The following CEP350 variants were observed in gnomAD, a reference collection of about 807,000 sequenced individuals.
CEP350 encodes the protein centrosome-associated protein 350.
Under a neutral mutation model 331.8 loss-of-function variants are expected in CEP350, and 126 were observed. That is an observed-to-expected ratio of 0.38 (90% CI 0.33 to 0.44). The LOEUF is 0.44. Among genes scored for constraint, CEP350 ranks in the 20% least tolerant of loss-of-function variants. The pLI is 1.00. For synonymous variants in CEP350, 1,200 were observed against 1,259.5 expected (o/e 0.95, Z 1.00); for missense variants, 3,406 against 3,634.6 (o/e 0.94, Z 1.62).
rs147091792 is a variant in CEP350, at chr1:180,071,498, T to C, written c.5568-3524T>C. 3.4e-3 allele frequency among the ~76,000 whole-genome samples: 504 copies of C among 147,496 alleles called. 2 individuals are homozygous for C. The highest frequency in any genetic ancestry group is 0.012 in the African/African-American group (475 of 39,882). On this transcript the variant is annotated intron_variant, in intron 27 of 37. Coordinates refer to ENST00000367607, the MANE Select transcript of CEP350 (RefSeq NM_014810.5). ...AAAAAATTTAAAAAGTGAATTAAGCTGTGCGCGGTGGCTCAGGCCTGTAAT... is the reference window on the plus strand; with the variant it reads ...AAAAAATTTAAAAAGTGAATTAAGCCGTGCGCGGTGGCTCAGGCCTGTAAT...
intron 1 of CEP350, among the ~76,000 whole-genome samples, chr1:179,974,206 C>T (rs192837812): frequency 1.6e-3 from 250 of 152,028 alleles, no homozygotes; most frequent in Middle Eastern, 0.01. Flanking sequence ...CAGCCTCCCA[C>T]GTAGCTGGGA....
At chr1:180,041,114 T>C (rs1246477735) in intron 17 of CEP350, 24 bp from the exon 18 acceptor site, 2 of 1,526,200 alleles carry the variant, frequency 1.3e-6, no homozygotes, top group Non-Finnish European at 1.8e-6. Flanking sequence ...ATCTGAGAAT[T>C]AACATTTGAC....
chr1:180,007,080 G>C (rs1169094470), intron 8 of CEP350, among the ~76,000 whole-genome samples: 18 of 152,180 alleles, frequency 1.2e-4, no homozygotes, highest in Admixed American at 1.2e-3. Context: ...ATGTGTGCAT[G>C]TGTCTTTATA....
In CEP350 at chr1:179,954,908, C is replaced by T. The variant is rs1182218379; in HGVS notation, c.-248C>T. ...TGCGCCAGAGAGAACTGCAGGGAGC[C>T]GCAGCTCGGGGGGTGGCTTGCCCTG... On this transcript the variant is annotated 5_prime_UTR_variant, in exon 1 of 38. Coordinates refer to ENST00000367607, the MANE Select transcript of CEP350 (RefSeq NM_014810.5). The T allele has an allele frequency of 3.2e-6, 2 of 625,242 alleles. No homozygotes were observed. The highest frequency in any genetic ancestry group is 4.3e-5 in the Admixed American group (1 of 23,160). The allele number at this position is 625,242 out of a possible 1,614,324, so 38.7% of individuals were successfully genotyped here.
chr1:180,053,316 G>T, intron 23 of CEP350, 150 bp downstream of exon 23: 1 of 510,802 alleles, frequency 2.0e-6, no homozygotes, highest in Non-Finnish European at 3.4e-6. Context: ...TATGAAATCT[G>T]GTTTCACTTT....
Position 180,095,833 on chromosome 1 carries a change from G to T in CEP350, c.8822G>T (p.Gly2941Val), listed in dbSNP as rs765119522. The T allele has an allele frequency of 3.1e-6, 5 of 1,613,898 alleles. No homozygotes were observed. Among genetic ancestry groups the T allele is most frequent in the Non-Finnish European group, 4.2e-6 (5 of 1,179,868 alleles). ...GAACTTTGGAAATGGAAAGAATTAG[G>T]CCACGATCTTCATAGCATCAGTATT... is the stretch of plus-strand genomic sequence containing the variant. Reference protein sequence around the residue: ...AEELWKWKELGHDLHSISIPT... With the variant: ...AEELWKWKELVHDLHSISIPT... The change falls in exon 35 of 38, where the codon GGC becomes GTC. Residue 2941 changes from glycine to valine, a missense_variant. Gly to Val is a moderately radical substitution (Grantham distance 109, BLOSUM62 -3). This residue lies in a region of CEP350 where 1,415 missense variants were observed against 1,512.3 expected (regional missense o/e 0.94). Transcript: ENST00000367607.
At chr1:180,019,851 G>A (rs929548613) in intron 11 of CEP350, 98 bp from the exon 12 acceptor site, 1 of 964,874 alleles carries the variant, frequency 1.0e-6, no homozygotes, top group African/African-American at 1.7e-5. Context: ...TCCTTTTTTT[G>A]TTGCAGTGCA....
chr1:179,968,101 C>T (rs1179802759), intron 1 of CEP350, among the ~76,000 whole-genome samples: 14 of 152,112 alleles, frequency 9.2e-5, no homozygotes, highest in East Asian at 7.7e-4. Flanking sequence ...GAGGCCAAGG[C>T]GGGTGCATCA....
intron 7 of CEP350, among the ~76,000 whole-genome samples, chr1:180,004,873 G>GCTTGCTT (rs1654108990): frequency 7.0e-5 from 7 of 100,526 alleles, no homozygotes; most frequent in South Asian, 3.9e-4. Context: ...CAGGCTGGCT[G>GCTTGCTT]GCTTGCTTGC....
chr1:180,001,372 C>T (rs1035517764), intron 6 of CEP350, among the ~76,000 whole-genome samples: 1 of 152,262 alleles, frequency 6.6e-6, no homozygotes, highest in East Asian at 1.9e-4. Flanking sequence ...GATTCTCGTG[C>T]CTCAGCCTAA....
chr1:180,087,589 A>G lies in CEP350; in HGVS notation c.6297A>G (p.Glu2099=). 3 of 1,541,742 alleles carry G rather than the reference A, an allele frequency of 1.9e-6. No individual in the cohort carries two copies. Among genetic ancestry groups the G allele is most frequent in the Non-Finnish European group, 2.6e-6 (3 of 1,141,096 alleles). The change falls in exon 32 of 38, where the codon GAA becomes GAG. Residue 2099 remains glutamate, a synonymous_variant. Coordinates refer to ENST00000367607, the MANE Select transcript of CEP350 (RefSeq NM_014810.5). ...TTTTCTAAACTTAGTCATATGATGAATTTATTAAGAAAACTGAAGCCGAGC... is the reference window on the plus strand; with the variant it reads ...TTTTCTAAACTTAGTCATATGATGAGTTTATTAAGAAAACTGAAGCCGAGC... ...SLIKQLESYD[E]FIKKTEAELS...
chr1:180,090,834 T>G, intron 33 of CEP350, 38 bp downstream of exon 33: 6 of 1,492,328 alleles, frequency 4.0e-6, no homozygotes, highest in Non-Finnish European at 5.4e-6. Flanking sequence ...TGTAGCTACA[T>G]AGTCTAAGGA....
At chr1:180,043,790 G>T (rs1467525913) in intron 20 of CEP350, among the ~76,000 whole-genome samples, 1 of 127,740 alleles carries the variant, frequency 7.8e-6, no homozygotes. Context: ...GTGTGTGTGT[G>T]TGTGTGTGTG....
intron 22 of CEP350, among the ~76,000 whole-genome samples, chr1:180,051,790 A>AT (rs1312063346): frequency 6.6e-6 from 1 of 152,234 alleles, no homozygotes; most frequent in Non-Finnish European, 1.5e-5. Context: ...AGTGGAAACT[A>AT]TTAATATAAG....
At chr1:180,109,782 C>T (rs151314724) in intron 37 of CEP350, among the ~76,000 whole-genome samples, 306 of 152,238 alleles carry the variant, frequency 2.0e-3, no homozygotes, top group African/African-American at 6.8e-3. Flanking sequence ...ACTACAGGCG[C>T]GTGCCACCAT....
At chr1:180,091,202 A>T (rs536808570) in intron 33 of CEP350, among the ~76,000 whole-genome samples, 13 of 147,578 alleles carry the variant, frequency 8.8e-5, no homozygotes, top group African/African-American at 2.8e-4. Context: ...TTTTTAAGAG[A>T]CGGGGGGGTC....
At chr1:179,972,803 T>C (rs1319189738) in intron 1 of CEP350, among the ~76,000 whole-genome samples, 1 of 151,976 alleles carries the variant, frequency 6.6e-6, no homozygotes, top group African/African-American at 2.4e-5. Context: ...TATTCAGAAA[T>C]GGGGATGGCA....
intron 19 of CEP350, among the ~76,000 whole-genome samples, chr1:180,042,140 A>T (rs979502532): frequency 3.2e-4 from 49 of 151,080 alleles, no homozygotes; most frequent in Admixed American, 1.2e-3. Flanking sequence ...TCTCACACAC[A>T]CACACACACA....
rs747345586 is a variant in CEP350, at chr1:179,997,145, G to T, written c.988G>T (p.Ala330Ser). The T allele has an allele frequency of 1.2e-6, 2 of 1,613,510 alleles. No individual in the cohort carries two copies. Among genetic ancestry groups the T allele is most frequent in the African/African-American group, 2.7e-5 (2 of 74,884 alleles). The change falls in exon 6 of 38, where the codon GCA (alanine) becomes TCA (serine). Residue 330 changes from alanine to serine, a missense_variant. By Grantham distance (99) the Ala-to-Ser change is moderately conservative. Coordinates refer to ENST00000367607, the MANE Select transcript of CEP350 (RefSeq NM_014810.5). ...AGTAACAGCAAAAGTCAGAAAAGTGGCAACAGCACCACCTGCTCCAGCATA... is the reference window on the plus strand; with the variant it reads ...AGTAACAGCAAAAGTCAGAAAAGTGTCAACAGCACCACCTGCTCCAGCATA... ...NSVTAKVRKV[A>S]TAPPAPAYKG...
Sources: gnomAD v4.1 joint callset for allele counts (sites outside exome capture counted in the v4.1 genomes callset) on GRCh38, gnomAD v4.1.1 for gene constraint, gnomAD v4.1.1 regional missense constraint, MANE v1.5 for transcripts, NCBI Gene and HGNC (gene_info 2026-07-23, HGNC 2026-07-21) for gene names.